The following PTPDC1 variants were observed in gnomAD, a reference collection of about 807,000 sequenced individuals.
PTPDC1 encodes the protein protein tyrosine phosphatase domain containing 1.
PTPDC1 carries 53 observed loss-of-function variants against 75.3 expected under a neutral mutation model. That is an observed-to-expected ratio of 0.70 (90% CI 0.56 to 0.88). The LOEUF (loss-of-function observed/expected upper bound fraction) is 0.88. Ranked by LOEUF, PTPDC1 falls within the 40% of genes least tolerant of loss-of-function variation. The pLI is 0.00. For missense variants in PTPDC1, 925 were observed against 998.6 expected (o/e 0.93, Z 0.99); for synonymous variants, 349 against 366.2 (o/e 0.95, Z 0.54).
Position 94,097,537 on chromosome 9 carries a change from A to G in PTPDC1, c.971A>G (p.Gln324Arg), listed in dbSNP as rs1827636700. The G allele has an allele frequency of 6.2e-7, 1 of 1,614,166 alleles. No individual in the cohort carries two copies. The highest frequency in any genetic ancestry group is 8.5e-7 in the Non-Finnish European group (1 of 1,180,044). ...AVTLPQYLIRQRHLLHGYEAR... is the reference protein window; with the variant it reads ...AVTLPQYLIRRRHLLHGYEAR... ...ACCTTACCTCAATATCTAATTCGCC[A>G]GCGTCATCTGCTTCATGGTTATGAG... is the stretch of plus-strand genomic sequence containing the variant. The change falls in exon 6 of 9, where the codon CAG (glutamine) becomes CGG (arginine). Residue 324 changes from glutamine to arginine, a missense_variant. Gln to Arg is a conservative substitution (Grantham distance 43). Transcript: ENST00000620992.
chr9:94,104,484 T>TACAC, intron 8 of PTPDC1, 99 bp downstream of exon 8: 2 of 689,020 alleles, frequency 2.9e-6, no homozygotes, highest in Non-Finnish European at 5.0e-6. Flanking sequence ...AAATAAAACA[T>TACAC]GTATGTGTAT....
intron 1 of PTPDC1, chr9:94,038,136 T>C (rs1564006811): frequency 3.3e-6 from 2 of 597,440 alleles, no homozygotes; most frequent in Non-Finnish European, 6.3e-6. Flanking sequence ...CTCCATGGTC[T>C]CTTCGGGCAG....
At chr9:94,078,131 T>TTCACATTAGTC (rs1398412616) in intron 2 of PTPDC1, among the ~76,000 whole-genome samples, 1 of 152,198 alleles carries the variant, frequency 6.6e-6, no homozygotes, top group African/African-American at 2.4e-5. Context: ...TTCACATGGA[T>TTCACATTAGTC]TCACATTAGT....
At chr9:94,094,625 G>A (rs1827473065) in intron 4 of PTPDC1, among the ~76,000 whole-genome samples, 1 of 152,198 alleles carries the variant, frequency 6.6e-6, no homozygotes, top group African/African-American at 2.4e-5. Context: ...CTTCCCGGCT[G>A]CTTTGTTTAC....
intron 1 of PTPDC1, among the ~76,000 whole-genome samples, chr9:94,043,167 G>T (rs565218932): frequency 3.3e-5 from 5 of 152,292 alleles, no homozygotes; most frequent in African/African-American, 1.2e-4. Context: ...CTCCTCCCAT[G>T]AATTGCAAAT....
At chr9:94,040,402 C>T (rs145702899) in intron 1 of PTPDC1, among the ~76,000 whole-genome samples, 41 of 152,192 alleles carry the variant, frequency 2.7e-4, no homozygotes, top group African/African-American at 9.4e-4. Flanking sequence ...TGGTCTTATT[C>T]CTGTTTTAAG....
At chr9:94,033,565 C>T (rs952457297) in intron 1 of PTPDC1, among the ~76,000 whole-genome samples, 7 of 152,214 alleles carry the variant, frequency 4.6e-5, no homozygotes, top group Admixed American at 4.6e-4. Context: ...CTCTGATTCT[C>T]ACTTTCCTAA....
At chr9:94,071,425 A>G (rs1030743378) in intron 2 of PTPDC1, among the ~76,000 whole-genome samples, 3 of 151,948 alleles carry the variant, frequency 2.0e-5, no homozygotes, top group Admixed American at 6.6e-5. Context: ...TTGCAGATAC[A>G]TTCTCCCACT....
At chr9:94,094,079 C>G (rs1468171973) in intron 4 of PTPDC1, among the ~76,000 whole-genome samples, 1 of 152,232 alleles carries the variant, frequency 6.6e-6, no homozygotes, top group Non-Finnish European at 1.5e-5. Flanking sequence ...CTTCTCTCAG[C>G]TTGTCAAAGT....
At position 94,097,398 on chromosome 9, in the gene PTPDC1, C is replaced by G; in HGVS notation, c.832C>G (p.Arg278Gly). Residue 278 changes from arginine to glycine, a missense_variant, in exon 6 of 9, where the codon CGA (arginine) becomes GGA (glycine). By Grantham distance (125) the Arg-to-Gly change is moderately radical. Transcript: ENST00000620992. Reference sequence around the variant, plus strand: ...AGCAATTATATTTGTGCGGGCAAAGCGACCCAATTCCATACAAACCAGAGG... The same window carrying G: ...AGCAATTATATTTGTGCGGGCAAAGGGACCCAATTCCATACAAACCAGAGG... ...DQAIIFVRAK[R>G]PNSIQTRGQL... 1 of 1,613,970 alleles carries G rather than the reference C, an allele frequency of 6.2e-7. No homozygotes were observed.
intron 1 of PTPDC1, among the ~76,000 whole-genome samples, chr9:94,049,758 C>A (rs1305188786): frequency 6.6e-6 from 1 of 152,156 alleles, no homozygotes; most frequent in African/African-American, 2.4e-5. Flanking sequence ...TGAATGTTGG[C>A]CTGCCTTGCT....
At chr9:94,055,300 A>G (rs992417627) in intron 1 of PTPDC1, among the ~76,000 whole-genome samples, 2 of 152,214 alleles carry the variant, frequency 1.3e-5, no homozygotes, top group African/African-American at 2.4e-5. Flanking sequence ...TAATATACAG[A>G]ACTGAATACA....
At chr9:94,048,728 G>C (rs1039642388) in intron 1 of PTPDC1, among the ~76,000 whole-genome samples, 1 of 152,142 alleles carries the variant, frequency 6.6e-6, no homozygotes, top group Admixed American at 6.5e-5. Context: ...GGTCTGCTTG[G>C]TGCAGAGCTC....
chr9:94,084,321 A>G, upstream of PTPDC1: 1 of 504,932 alleles, frequency 2.0e-6, no homozygotes, highest in Non-Finnish European at 3.2e-6. Flanking sequence ...CAATTTGTCC[A>G]AAATGCAATC....
chr9:94,040,129 G>A (rs766478243), intron 1 of PTPDC1, among the ~76,000 whole-genome samples: 1 of 152,184 alleles, frequency 6.6e-6, no homozygotes, highest in Admixed American at 6.5e-5. Flanking sequence ...AAACAAAGGA[G>A]ACTTCTTTAC....
At chr9:94,057,693 C>G (rs564198189) in intron 1 of PTPDC1, among the ~76,000 whole-genome samples, 9 of 152,170 alleles carry the variant, frequency 5.9e-5, no homozygotes, top group Admixed American at 4.6e-4. Flanking sequence ...TGAACAGAGT[C>G]AAGACTCAAA....
intron 2 of PTPDC1, among the ~76,000 whole-genome samples, chr9:94,066,090 A>G (rs904207306): frequency 7.9e-5 from 12 of 152,274 alleles, no homozygotes; most frequent in African/African-American, 2.6e-4. Context: ...CACCTAAGAC[A>G]TATAGCATCT....
chr9:94,049,052 A>C (rs1554691313), intron 1 of PTPDC1, among the ~76,000 whole-genome samples: 1 of 151,046 alleles, frequency 6.6e-6, no homozygotes, highest in South Asian at 2.1e-4. Flanking sequence ...TTTGTTTTCC[A>C]TTTGGTAGAT....
intron 1 of PTPDC1, among the ~76,000 whole-genome samples, chr9:94,062,204 C>T (rs1826164142): frequency 6.6e-6 from 1 of 152,190 alleles, no homozygotes; most frequent in Admixed American, 6.5e-5. Context: ...ACAATCCAGC[C>T]AAGCTCTTTG....
Sources: allele counts gnomAD v4.1 joint callset (sites outside exome capture counted in the v4.1 genomes callset), GRCh38; gene constraint gnomAD v4.1.1; transcripts MANE v1.5; gene names NCBI Gene and HGNC (gene_info 2026-07-23, HGNC 2026-07-21).